SLCO3A1: variants seen among roughly 807,000 people sequenced by gnomAD.
The protein encoded by SLCO3A1 is PGE1 transporter.
SLCO3A1 carries 27 observed loss-of-function variants against 63.1 expected under a neutral mutation model. The observed-to-expected ratio is 0.43, with a 90% CI of 0.32 to 0.59. The LOEUF (loss-of-function observed/expected upper bound fraction) is 0.59. SLCO3A1 is among the 20% of genes least tolerant of loss of function. SLCO3A1 has a pLI of 0.09. For missense variants in SLCO3A1, 773 were observed against 945.8 expected, an observed-to-expected ratio of 0.82 and a Z score of 2.40; for synonymous variants, 473 against 409.9, an observed-to-expected ratio of 1.15 and a Z score of -1.86.
chr15:92,023,835 C>T (rs953158611), intron 2 of SLCO3A1, among the ~76,000 whole-genome samples: 13 of 152,242 alleles, frequency 8.5e-5, no homozygotes, highest in African/African-American at 3.1e-4. Context: ...CCTACAGAAA[C>T]TCATTCTGAA....
chr15:92,072,759 T>C (rs1416670674), intron 2 of SLCO3A1, among the ~76,000 whole-genome samples: 1 of 152,142 alleles, frequency 6.6e-6, no homozygotes, highest in Non-Finnish European at 1.5e-5. Context: ...TCCCCTTCTC[T>C]CTTTTCTGTG....
At chr15:92,130,767 C>T (rs1402833708) in intron 7 of SLCO3A1, among the ~76,000 whole-genome samples, 1 of 151,700 alleles carries the variant, frequency 6.6e-6, no homozygotes, top group Non-Finnish European at 1.5e-5. Context: ...CAATTTAAAT[C>T]CTTTAAATCT....
intron 2 of SLCO3A1, among the ~76,000 whole-genome samples, chr15:91,987,337 C>G (rs568457448): frequency 6.6e-6 from 1 of 152,118 alleles, no homozygotes; most frequent in African/African-American, 2.4e-5. Context: ...TACTGAACAC[C>G]TATCATGTGT....
rs949918480 is a variant in SLCO3A1 at position 91,956,389 on chromosome 15, C to T, written c.646+39931C>T. On this transcript the variant is annotated intron_variant, in intron 2 of 9. Coordinates refer to ENST00000318445, the MANE Select transcript of SLCO3A1 (RefSeq NM_013272.4). ...CACTTCTGGGCAGCCTCAGTTGGCCCGCTCTGTGGGTTTTTCCCTCCAGCT... is the reference window on the plus strand; with the variant it reads ...CACTTCTGGGCAGCCTCAGTTGGCCTGCTCTGTGGGTTTTTCCCTCCAGCT... Among the ~76,000 whole-genome samples, 7 of 152,232 alleles carry T rather than the reference C, an allele frequency of 4.6e-5. No individual in the cohort carries two copies. In the East Asian group the frequency reaches 5.8e-4, roughly 13 times the overall value.
chr15:91,900,934 A>G lies in SLCO3A1; in HGVS notation c.181-15059A>G, dbSNP rs1177114704. Among the ~76,000 whole-genome samples, 2 of 152,070 alleles carry G rather than the reference A, an allele frequency of 1.3e-5. No homozygotes were observed. The highest frequency in any genetic ancestry group is 2.1e-4 in the South Asian group (1 of 4,822). On this transcript the variant is annotated intron_variant, in intron 1 of 9. Transcript: ENST00000318445. This position sits in a 1 kb window ranked among gnomAD's most constrained non-coding sequence, Gnocchi z 4.3. The stretch of plus-strand genomic sequence containing the variant: ...GAGAGGGATATTAACTTCTCCAAAT[A>G]TTATTGTTGTATTGTTTATTTCGCC...
chr15:91,882,887 C>A lies in SLCO3A1; in HGVS notation c.180+28799C>A, dbSNP rs1346001790. ...GATAAGTATAACCTCATCAAGATTT[C>A]CTTGCAATTAGGTATCACCTTGGTG... On this transcript the variant is annotated intron_variant, in intron 1 of 9. Coordinates refer to ENST00000318445, the MANE Select transcript of SLCO3A1 (RefSeq NM_013272.4). The surrounding 1 kb of genome is among the most constrained non-coding windows in gnomAD (Gnocchi z 4.4). 1.4e-5 allele frequency among the ~76,000 whole-genome samples: 1 copy of A among 70,428 alleles called. No individual in the cohort carries two copies. Among genetic ancestry groups the A allele is most frequent in the African/African-American group, 6.1e-5 (1 of 16,340 alleles). The allele number at this position is 70,428 out of a possible 152,430, so 46.2% of individuals were successfully genotyped here. A position where few individuals can be genotyped will look rare whatever the true frequency, so the allele number is the denominator to read the frequency against.
intron 2 of SLCO3A1, among the ~76,000 whole-genome samples, chr15:92,093,181 A>T (rs2047497630): frequency 6.6e-6 from 1 of 152,224 alleles, no homozygotes; most frequent in Non-Finnish European, 1.5e-5. Flanking sequence ...TTACAAAGAA[A>T]GGAGATTCGA....
intron 8 of SLCO3A1, among the ~76,000 whole-genome samples, chr15:92,148,011 G>A (rs908203745): frequency 2.0e-5 from 3 of 152,174 alleles, no homozygotes; most frequent in African/African-American, 7.2e-5. Context: ...GAGCCCAGGG[G>A]TTTGAGACCA....
At chr15:92,067,230 A>G (rs1269070749) in intron 2 of SLCO3A1, among the ~76,000 whole-genome samples, 1 of 152,158 alleles carries the variant, frequency 6.6e-6, no homozygotes, top group Non-Finnish European at 1.5e-5. Flanking sequence ...CAGGGGTAGG[A>G]GGATGTTTGC....
In SLCO3A1 at chr15:91,882,563, C is replaced by G. The variant is rs769758606; in HGVS notation, c.180+28475C>G. On this transcript the variant is annotated intron_variant, in intron 1 of 9. Transcript: ENST00000318445. The surrounding 1 kb of genome is among the most constrained non-coding windows in gnomAD (Gnocchi z 4.4). ...GGAGTTTCACTCTGTCGCCCAGGCC[C>G]GAGTGCAGTGGCATGATCTCAGCTC... Among the ~76,000 whole-genome samples, 1 of 151,888 alleles carries G rather than the reference C, an allele frequency of 6.6e-6. No homozygotes were observed. Among genetic ancestry groups the G allele is most frequent in the Non-Finnish European group, 1.5e-5 (1 of 67,978 alleles).
intron 2 of SLCO3A1, among the ~76,000 whole-genome samples, chr15:91,990,094 C>T (rs1010745631): frequency 3.3e-5 from 5 of 152,000 alleles, no homozygotes; most frequent in Non-Finnish European, 4.4e-5. Context: ...AAAATGATGG[C>T]GGGAGGGCGG....
chr15:92,169,775 T>C (rs1347294973), downstream of SLCO3A1, among the ~76,000 whole-genome samples: 2 of 152,154 alleles, frequency 1.3e-5, no homozygotes, highest in Admixed American at 1.3e-4. Flanking sequence ...TGGTCCCTAA[T>C]TGGATATACT....
rs1899624054 is a variant in SLCO3A1 at position 91,941,603 on chromosome 15, C to A, written c.646+25145C>A. 2.2e-6 allele frequency: 1 copy of A among 455,556 alleles called. No individual in the cohort carries two copies. Among genetic ancestry groups the A allele is most frequent in the South Asian group, 1.6e-5 (1 of 64,476 alleles). 28.2% of individuals were successfully genotyped at this position (455,556 alleles called of 1,614,324 possible). A position where few individuals can be genotyped will look rare whatever the true frequency, so the allele number is the denominator to read the frequency against. ...TAAGTAATCTTTTCTCTTCCTTCGT[C>A]TTGGAGGTTTTGAAGCTTCTAATCT... On this transcript the variant is annotated intron_variant, in intron 2 of 9. Coordinates refer to ENST00000318445, the MANE Select transcript of SLCO3A1 (RefSeq NM_013272.4). The surrounding 1 kb of genome is among the most constrained non-coding windows in gnomAD (Gnocchi z 4.4).
At chr15:92,030,467 A>G (rs1597238503) in intron 2 of SLCO3A1, among the ~76,000 whole-genome samples, 1 of 152,188 alleles carries the variant, frequency 6.6e-6, no homozygotes, top group East Asian at 1.9e-4. Flanking sequence ...TCAGTAACAC[A>G]GCCATTACTA....
chr15:91,976,378 A>T (rs1901110093), intron 2 of SLCO3A1, among the ~76,000 whole-genome samples: 1 of 152,236 alleles, frequency 6.6e-6, no homozygotes, highest in South Asian at 2.1e-4. Context: ...TTTTAAATGT[A>T]GCTACTTTAT....
At chr15:91,890,334 A>G (rs1261517342) in intron 1 of SLCO3A1, among the ~76,000 whole-genome samples, 4 of 152,146 alleles carry the variant, frequency 2.6e-5, no homozygotes, top group Non-Finnish European at 5.9e-5. Context: ...TTGTATTTTT[A>G]AGTAAGTTGC....
intron 2 of SLCO3A1, among the ~76,000 whole-genome samples, chr15:91,923,522 C>T (rs1233885590): frequency 2.0e-5 from 3 of 152,242 alleles, no homozygotes; most frequent in African/African-American, 7.2e-5. Flanking sequence ...AATTTGGAGG[C>T]AGCCCAGAGT....
chr15:92,147,013 C>A lies in SLCO3A1; in HGVS notation c.1542C>A (p.Thr514=). 1 of 1,613,752 alleles carries A rather than the reference C, an allele frequency of 6.2e-7. No individual in the cohort carries two copies. The highest frequency in any genetic ancestry group is 1.1e-5 in the South Asian group (1 of 91,032). The change falls in exon 8 of 10, where the codon ACC becomes ACA. Residue 514 remains threonine (T), a synonymous_variant. Transcript: ENST00000318445. The part of the protein sequence containing the change: ...TNLTGCACLT[T]VPAENATVVP... ...TCACGGGCTGTGCGTGCCTCACCACCGTCCCTGCTGAGAACGCAACCGTGG... is the reference window on the plus strand; with the variant it reads ...TCACGGGCTGTGCGTGCCTCACCACAGTCCCTGCTGAGAACGCAACCGTGG...
chr15:92,021,028 A>G (rs1358958309), intron 2 of SLCO3A1, among the ~76,000 whole-genome samples: 2 of 152,106 alleles, frequency 1.3e-5, no homozygotes, highest in African/African-American at 4.8e-5. Context: ...AATAATACCT[A>G]CCTCTGAGGG....
Sources: allele counts gnomAD v4.1 joint callset (sites outside exome capture counted in the v4.1 genomes callset), GRCh38; gene constraint gnomAD v4.1.1; non-coding constraint Gnocchi (gnomAD v3.1); transcripts MANE v1.5; gene names NCBI Gene and HGNC (gene_info 2026-07-23, HGNC 2026-07-21).